The following ST6GAL2 variants were observed in gnomAD, a reference collection of about 807,000 sequenced individuals.
The protein encoded by ST6GAL2 is ST6 beta-galactoside alpha-2,6-sialyltransferase 2.
ST6GAL2 carries 24 observed loss-of-function variants against 37.5 expected under a neutral mutation model. That is an observed-to-expected ratio of 0.64 (90% CI 0.46 to 0.90). The LOEUF is 0.90. Ranked by LOEUF, ST6GAL2 falls within the 40% of genes least tolerant of loss-of-function variation. The pLI, the probability that ST6GAL2 is intolerant of heterozygous loss-of-function variation, is 0.00. For missense variants in ST6GAL2, 715 were observed against 712.7 expected (o/e 1.00, Z -0.04); for synonymous variants, 306 against 295.1 (o/e 1.04, Z -0.38).
At chr2:106,860,470 T>C (rs1448367570) in intron 1 of ST6GAL2, among the ~76,000 whole-genome samples, 1 of 152,040 alleles carries the variant, frequency 6.6e-6, no homozygotes, top group East Asian at 1.9e-4. Context: ...AGGGAACAAA[T>C]GGCTAGTGAG....
At chr2:106,857,081 G>A (rs542940101) in intron 1 of ST6GAL2, among the ~76,000 whole-genome samples, 1 of 152,172 alleles carries the variant, frequency 6.6e-6, no homozygotes, top group Non-Finnish European at 1.5e-5. Context: ...TGCTTTGCAA[G>A]GCTTTGTAAA....
chr2:106,871,419 C>A (rs1187409648), intron 1 of ST6GAL2, among the ~76,000 whole-genome samples: 1 of 152,116 alleles, frequency 6.6e-6, no homozygotes, highest in African/African-American at 2.4e-5. Flanking sequence ...AAATGGTTTT[C>A]TTTCTTCAAT....
chr2:106,810,602 T>C (rs1367843106), intron 5 of ST6GAL2, among the ~76,000 whole-genome samples: 2 of 152,160 alleles, frequency 1.3e-5, no homozygotes, highest in African/African-American at 2.4e-5. Flanking sequence ...CAGCCACTGA[T>C]ACGGAATTGG....
intron 1 of ST6GAL2, among the ~76,000 whole-genome samples, chr2:106,858,409 C>A (rs1209641303): frequency 6.6e-6 from 1 of 152,164 alleles, no homozygotes; most frequent in African/African-American, 2.4e-5. Flanking sequence ...CAACCTTCCT[C>A]CATTCACAGT....
chr2:106,838,511 T>C (rs1275301657), intron 2 of ST6GAL2, among the ~76,000 whole-genome samples: 10 of 152,146 alleles, frequency 6.6e-5, no homozygotes, highest in Admixed American at 6.6e-4. Flanking sequence ...TTGATGTACT[T>C]CCCTTGCACC....
chr2:106,864,963 G>C (rs757374764), intron 1 of ST6GAL2, among the ~76,000 whole-genome samples: 12 of 152,004 alleles, frequency 7.9e-5, no homozygotes, highest in Non-Finnish European at 5.9e-5. Flanking sequence ...CTGATTGTTA[G>C]TGTTTGCCCA....
Position 106,817,110 on chromosome 2 carries a change from G to A in ST6GAL2, c.1319-10161C>T, listed in dbSNP as rs138177159. Among the ~76,000 whole-genome samples the A allele has an allele frequency of 1.4e-4, 22 of 152,346 alleles. No individual in the cohort carries two copies. In the East Asian group the frequency reaches 4.2e-3, roughly 29 times the overall value. ...CGCCACCAGGGGCTAAAGTGCTCCT[G>A]TGTCCTAAATAAACATCAACGGCAG... On this transcript the variant is annotated intron_variant, in intron 5 of 5. Transcript: ENST00000409382.
At chr2:106,808,351 C>G (rs931087288) in intron 5 of ST6GAL2, among the ~76,000 whole-genome samples, 1 of 152,170 alleles carries the variant, frequency 6.6e-6, no homozygotes, top group Non-Finnish European at 1.5e-5. Flanking sequence ...TAGTAGATGT[C>G]AGAGTCATGA....
intron 1 of ST6GAL2, among the ~76,000 whole-genome samples, chr2:106,880,989 ATTTC>A (rs879717900): frequency 1.3e-5 from 2 of 151,794 alleles, no homozygotes; most frequent in Non-Finnish European, 2.9e-5. Context: ...TCTTTTATTT[ATTTC>A]TTTATTTTCT....
chr2:106,832,507 T>C (rs1294120873), intron 4 of ST6GAL2, 58 bp downstream of exon 4: 1 of 870,156 alleles, frequency 1.1e-6, no homozygotes, highest in Non-Finnish European at 1.8e-6. Flanking sequence ...CTCTTATGAT[T>C]AATTAGTCAA....
chr2:106,856,761 T>C (rs1677592070), intron 1 of ST6GAL2, among the ~76,000 whole-genome samples: 1 of 152,162 alleles, frequency 6.6e-6, no homozygotes, highest in Non-Finnish European at 1.5e-5. Flanking sequence ...AATAAGGACA[T>C]TTGACAATGA....
chr2:106,853,766 T>C (rs1677467084), intron 1 of ST6GAL2, among the ~76,000 whole-genome samples: 1 of 152,084 alleles, frequency 6.6e-6, no homozygotes, highest in Non-Finnish European at 1.5e-5. Flanking sequence ...AAGATTCACA[T>C]ATGTGAGCCA....
In ST6GAL2 at chr2:106,830,053, A is replaced by G; in HGVS notation, c.1318+13T>C. 1 of 1,612,958 alleles carries G rather than the reference A, an allele frequency of 6.2e-7. No individual in the cohort carries two copies. Among genetic ancestry groups the G allele is most frequent in the South Asian group, 1.1e-5 (1 of 90,974 alleles). On this transcript the variant is annotated intron_variant, in intron 5 of 5. Transcript: ENST00000409382. Reference sequence around the variant, plus strand: ...TGCCCCCCAATCATTCCAATTTTTAACATAACACCTACCAATGAAACCAGA... The same window carrying G: ...TGCCCCCCAATCATTCCAATTTTTAGCATAACACCTACCAATGAAACCAGA...
intron 1 of ST6GAL2, among the ~76,000 whole-genome samples, chr2:106,848,602 C>T (rs1040743315): frequency 6.6e-6 from 1 of 152,194 alleles, no homozygotes; most frequent in Non-Finnish European, 1.5e-5. Context: ...GGCTGAGAGC[C>T]AGTGCCCCCC....
chr2:106,807,037 T>C (rs1198934117), intron 5 of ST6GAL2, 88 bp from the exon 6 acceptor site: 1 of 1,122,094 alleles, frequency 8.9e-7, no homozygotes, highest in African/African-American at 1.6e-5. Context: ...GGTGATGGGA[T>C]ATGACTGTGG....
At position 106,869,500 on chromosome 2, in the gene ST6GAL2, G is replaced by A. The variant is rs568533866; in HGVS notation, c.-58+16593C>T. Among the ~76,000 whole-genome samples, 33 of 152,252 alleles carry A rather than the reference G, an allele frequency of 2.2e-4. No individual in the cohort carries two copies. In the South Asian group the frequency reaches 6.8e-3, roughly 32 times the overall value. ...CTAGGAAGCCCGCAATTTGGAAATG[G>A]GGCAAAGAGGCTCCAGCTCCCACCC... is the stretch of plus-strand genomic sequence containing the variant. On this transcript the variant is annotated intron_variant, in intron 1 of 5. Transcript: ENST00000409382.
chr2:106,854,505 A>G (rs1573282965), intron 1 of ST6GAL2, among the ~76,000 whole-genome samples: 1 of 152,312 alleles, frequency 6.6e-6, no homozygotes, highest in East Asian at 1.9e-4. Flanking sequence ...GTATTGTATG[A>G]TATAAGCATA....
rs1219472459 is a variant in ST6GAL2 at position 106,843,819 on chromosome 2, C to T, written c.159G>A (p.Pro53=). Residue 53 remains proline, a synonymous_variant, in exon 2 of 6, where the codon CCG becomes CCA. Transcript: ENST00000409382. ...TGATGGCCCGCTGCTTCCCCTGCAC[C>T]GGCAGGAGCCTCCTGGTCTCCAGGA... is the stretch of plus-strand genomic sequence containing the variant. ...LSFLETRRLL[P]VQGKQRAIMG... 2.5e-6 allele frequency: 4 copies of T among 1,611,602 alleles called. No homozygotes were observed. The highest frequency in any genetic ancestry group is 3.3e-4 in the Middle Eastern group (2 of 6,046).
intron 1 of ST6GAL2, among the ~76,000 whole-genome samples, chr2:106,871,847 CTTTT>C (rs1189648095): frequency 2.0e-5 from 3 of 152,148 alleles, no homozygotes; most frequent in Non-Finnish European, 2.9e-5. Flanking sequence ...AGGTAACTTT[CTTTT>C]TTATTAATTA....
Sources: allele counts gnomAD v4.1 joint callset (sites outside exome capture counted in the v4.1 genomes callset), GRCh38; gene constraint gnomAD v4.1.1; transcripts MANE v1.5; gene names NCBI Gene and HGNC (gene_info 2026-07-23, HGNC 2026-07-21).